The following FBXL17 variants were observed in gnomAD, a reference collection of about 807,000 sequenced individuals.
FBXL17 encodes F-box and leucine rich repeat protein 17, also known as F-box/LRR-repeat protein 17.
FBXL17 carries 22 observed loss-of-function variants against 66.2 expected under a neutral mutation model. The ratio of observed to expected loss-of-function variants is 0.33; its 90% confidence interval spans 0.24 to 0.47. The LOEUF (loss-of-function observed/expected upper bound fraction) is 0.47. Among genes scored for constraint, FBXL17 ranks in the 20% least tolerant of loss-of-function variants. FBXL17 has a pLI of 1.00. For synonymous variants in FBXL17, 474 were observed against 400.5 expected (o/e 1.18, Z -2.19); for missense variants, 878 against 948.2 (o/e 0.93, Z 0.97).
At chr5:107,941,373 A>G (rs540951364) in intron 7 of FBXL17, among the ~76,000 whole-genome samples, 47 of 152,332 alleles carry the variant, frequency 3.1e-4, no homozygotes, top group Admixed American at 9.8e-4. Context: ...CTACAGAATC[A>G]TGGCTGACCT....
chr5:107,878,746 A>T (rs1246102508), intron 8 of FBXL17: 8 of 985,330 alleles, frequency 8.1e-6, no homozygotes, highest in African/African-American at 1.7e-5. Context: ...GCAAGGCTTT[A>T]CTTGTGCTTT....
intron 1 of FBXL17, among the ~76,000 whole-genome samples, chr5:108,377,356 C>T (rs931518053): frequency 5.3e-5 from 8 of 152,238 alleles, no homozygotes; most frequent in Non-Finnish European, 1.0e-4. Context: ...CCAACTGGCA[C>T]TACAACCTTA....
chr5:108,079,765 T>G (rs1003240483), intron 6 of FBXL17, among the ~76,000 whole-genome samples: 1 of 152,176 alleles, frequency 6.6e-6, no homozygotes. Context: ...GAAGTAGCAA[T>G]TGTGAAGTAT....
intron 7 of FBXL17, among the ~76,000 whole-genome samples, chr5:107,916,806 C>T (rs1750148087): frequency 6.6e-6 from 1 of 152,144 alleles, no homozygotes; most frequent in African/African-American, 2.4e-5. Context: ...ACATAGTTCA[C>T]CTTCAGAACA....
chr5:108,188,454 G>T (rs184422213), intron 5 of FBXL17, among the ~76,000 whole-genome samples: 1 of 152,268 alleles, frequency 6.6e-6, no homozygotes, highest in East Asian at 1.9e-4. Flanking sequence ...AGGAAGTCAC[G>T]TCCAGTCTAG....
At chr5:108,344,986 C>T (rs988437) in intron 4 of FBXL17, among the ~76,000 whole-genome samples, 127,769 of 152,180 alleles carry the variant, frequency 0.84, 53,790 homozygotes, top group African/African-American at 0.9. Context: ...TACATGACAC[C>T]TGTCTCACTC....
At position 108,159,683 on chromosome 5, in the gene FBXL17, C is replaced by T. The variant is rs879417036; in HGVS notation, c.1745+26434G>A. On this transcript the variant is annotated intron_variant, in intron 6 of 8. Transcript: ENST00000542267. ...TTGTCATTTATAAGACAGTTTATGG[C>T]ATTCTGTTATAGCAACCTGAATAGA... 5.2e-4 allele frequency among the ~76,000 whole-genome samples: 79 copies of T among 152,272 alleles called. 1 individual carries two copies. The highest frequency in any genetic ancestry group is 1.8e-3 in the African/African-American group (73 of 41,564).
chr5:108,142,500 G>A (rs1429157811), intron 6 of FBXL17, among the ~76,000 whole-genome samples: 2 of 152,286 alleles, frequency 1.3e-5, no homozygotes, highest in East Asian at 1.9e-4. Context: ...AAGCAGCAGT[G>A]CTCTGGCATT....
intron 7 of FBXL17, among the ~76,000 whole-genome samples, chr5:107,942,742 G>T (rs1309207484): frequency 6.7e-6 from 1 of 148,220 alleles, no homozygotes; most frequent in African/African-American, 2.5e-5. Flanking sequence ...CATTCTCTGT[G>T]TACAAACAGG....
intron 8 of FBXL17, among the ~76,000 whole-genome samples, chr5:107,867,061 T>C (rs1474618519): frequency 6.6e-6 from 1 of 152,058 alleles, no homozygotes; most frequent in East Asian, 1.9e-4. Context: ...AAGCACCAAA[T>C]AGTACTGTAC....
At position 107,867,551 on chromosome 5, in the gene FBXL17, T is replaced by C. The variant is rs575554647; in HGVS notation, c.1966-5691A>G. Reference sequence around the variant, plus strand: ...TACAGCATCAGCAGCCTGCTCAGGATGGCAGGCCCAGGAGGGCAGACCATT... The same window carrying C: ...TACAGCATCAGCAGCCTGCTCAGGACGGCAGGCCCAGGAGGGCAGACCATT... On this transcript the variant is annotated intron_variant, in intron 8 of 8. Coordinates refer to ENST00000542267, the MANE Select transcript of FBXL17 (RefSeq NM_001163315.3). 5.9e-4 allele frequency among the ~76,000 whole-genome samples: 90 copies of C among 152,380 alleles called. 2 individuals are homozygous for C. In the South Asian group the frequency reaches 0.018, roughly 31 times the overall value.
intron 5 of FBXL17, among the ~76,000 whole-genome samples, chr5:108,201,260 T>C (rs570072177): frequency 6.6e-6 from 1 of 152,276 alleles, no homozygotes; most frequent in East Asian, 1.9e-4. Context: ...AAGAAAAAGA[T>C]AATACATAGA....
At chr5:108,269,218 ATCT>A (rs1757166356) in intron 4 of FBXL17, among the ~76,000 whole-genome samples, 1 of 152,068 alleles carries the variant, frequency 6.6e-6, no homozygotes, top group African/African-American at 2.4e-5. Context: ...GGTAAGAGTG[ATCT>A]TCTTGAACCT....
intron 7 of FBXL17, among the ~76,000 whole-genome samples, chr5:108,005,675 T>C (rs1324500828): frequency 6.6e-6 from 1 of 152,206 alleles, no homozygotes. Context: ...TGATCCCTGA[T>C]TGATAAATAG....
intron 4 of FBXL17, among the ~76,000 whole-genome samples, chr5:108,279,615 T>C (rs534300895): frequency 6.7e-6 from 1 of 150,092 alleles, no homozygotes; most frequent in African/African-American, 2.4e-5. Flanking sequence ...CCAATAGATC[T>C]TAACCAAAAA....
intron 4 of FBXL17, among the ~76,000 whole-genome samples, chr5:108,291,655 T>A (rs957842791): frequency 1.3e-5 from 2 of 152,210 alleles, no homozygotes; most frequent in Non-Finnish European, 2.9e-5. Context: ...GAGTTCCAGA[T>A]CTCAAGACAT....
intron 6 of FBXL17, among the ~76,000 whole-genome samples, chr5:108,025,914 A>G (rs1023673569): frequency 7.6e-6 from 1 of 132,092 alleles, no homozygotes; most frequent in Non-Finnish European, 1.8e-5. Flanking sequence ...GGTATCTTAC[A>G]GAAAGAATAA....
At chr5:108,058,852 G>C (rs149635665) in intron 6 of FBXL17, among the ~76,000 whole-genome samples, 2,292 of 152,204 alleles carry the variant, frequency 0.015, 27 homozygotes, top group Non-Finnish European at 0.022. Flanking sequence ...CTAGTAGAAG[G>C]GCAGATTTTA....
intron 6 of FBXL17, among the ~76,000 whole-genome samples, chr5:108,055,702 G>GA (rs917019033): frequency 1.4e-5 from 2 of 147,934 alleles, no homozygotes; most frequent in African/African-American, 4.9e-5. Context: ...GAACTATAAT[G>GA]AAAAAAATGA....
Sources: gnomAD v4.1 joint callset for allele counts (sites outside exome capture counted in the v4.1 genomes callset) on GRCh38, gnomAD v4.1.1 for gene constraint, MANE v1.5 for transcripts, NCBI Gene and HGNC (gene_info 2026-07-23, HGNC 2026-07-21) for gene names.